The following BRINP3 variants were observed in gnomAD, a reference collection of about 807,000 sequenced individuals.
The protein encoded by BRINP3 is BMP/retinoic acid inducible neural specific 3.
In BRINP3, 19 loss-of-function variants were observed where a neutral mutation model predicts 71.0. The ratio of observed to expected loss-of-function variants is 0.27; its 90% confidence interval spans 0.19 to 0.39. BRINP3 has a LOEUF of 0.39. BRINP3 is among the 10% of genes least tolerant of loss of function. The pLI, the probability that BRINP3 is intolerant of heterozygous loss-of-function variation, is 1.00. For synonymous variants in BRINP3, 380 were observed against 337.7 expected (o/e 1.13, Z -1.37); for missense variants, 959 against 940.8 (o/e 1.02, Z -0.25).
At chr1:190,146,677 C>T (rs1019553591) in intron 7 of BRINP3, among the ~76,000 whole-genome samples, 1 of 152,028 alleles carries the variant, frequency 6.6e-6, no homozygotes, top group African/African-American at 2.4e-5. Context: ...AGTGGCTACT[C>T]AGCAGTGTAG....
intron 2 of BRINP3, among the ~76,000 whole-genome samples, chr1:190,329,598 C>A (rs11579859): frequency 6.6e-6 from 1 of 151,754 alleles, no homozygotes; most frequent in Non-Finnish European, 1.5e-5. Context: ...TTAAAATGAA[C>A]ATATTATCGA....
intron 2 of BRINP3, among the ~76,000 whole-genome samples, chr1:190,362,750 C>T (rs780488672): frequency 3.3e-5 from 5 of 152,130 alleles, no homozygotes; most frequent in Non-Finnish European, 7.3e-5. Flanking sequence ...TTTTGCTTTC[C>T]TCTCATTCTG....
chr1:190,235,712 C>A (rs901841222), intron 4 of BRINP3, among the ~76,000 whole-genome samples: 22 of 151,814 alleles, frequency 1.4e-4, no homozygotes, highest in Non-Finnish European at 2.7e-4. Context: ...TCTAGCGAAT[C>A]CTTCACTTCC....
intron 6 of BRINP3, among the ~76,000 whole-genome samples, chr1:190,177,150 CTTTTTTTTTTTTTTTTTT>C (rs1030190199): frequency 1.6e-5 from 1 of 63,212 alleles, no homozygotes; most frequent in Non-Finnish European, 2.9e-5. Flanking sequence ...GCACCCACTT[CTTTTTTTTTTTTTTTTTT>C]TTTTTTTTTT....
intron 6 of BRINP3, among the ~76,000 whole-genome samples, chr1:190,201,801 G>A (rs553533176): frequency 5.9e-5 from 9 of 152,318 alleles, no homozygotes; most frequent in East Asian, 3.9e-4. Flanking sequence ...GTGAATGCAC[G>A]GAAGTCAAGA....
chr1:190,349,452 T>C lies in BRINP3; in HGVS notation c.237-67702A>G, dbSNP rs1319962363. On this transcript the variant is annotated intron_variant, in intron 2 of 7. Transcript: ENST00000367462. ...ATGAATCCAAACCCATATGATAGAGTTCTAAAAAAGTTAAAATTAAGGATA... is the reference window on the plus strand; with the variant it reads ...ATGAATCCAAACCCATATGATAGAGCTCTAAAAAAGTTAAAATTAAGGATA... Among the ~76,000 whole-genome samples, 4 of 151,940 alleles carry C rather than the reference T, an allele frequency of 2.6e-5. No individual in the cohort carries two copies. In the East Asian group the frequency reaches 7.7e-4, roughly 29 times the overall value.
Position 190,181,097 on chromosome 1 carries a change from T to C in BRINP3, c.962-20207A>G, listed in dbSNP as rs546695758. Among the ~76,000 whole-genome samples the C allele has an allele frequency of 3.3e-5, 5 of 152,178 alleles. No individual in the cohort carries two copies. The South Asian group carries it at 1.0e-3, about 32-fold the overall frequency. On this transcript the variant is annotated intron_variant, in intron 6 of 7. Transcript: ENST00000367462. Reference sequence around the variant, plus strand: ...CTAACCCCTGGCAAACACTACCCAATCGTTTTTATCTTCATAACTTTTTAA... The same window carrying C: ...CTAACCCCTGGCAAACACTACCCAACCGTTTTTATCTTCATAACTTTTTAA...
chr1:190,411,624 G>A (rs1212811814), intron 2 of BRINP3, among the ~76,000 whole-genome samples: 4 of 152,066 alleles, frequency 2.6e-5, no homozygotes, highest in Admixed American at 1.3e-4. Context: ...AACTAAAGAT[G>A]AAGGCTTTGA....
intron 1 of BRINP3, among the ~76,000 whole-genome samples, chr1:190,460,047 T>C (rs1327656896): frequency 6.6e-6 from 1 of 151,990 alleles, no homozygotes; most frequent in Non-Finnish European, 1.5e-5. Flanking sequence ...CTAAATTTCT[T>C]CTCTTGAGCA....
intron 2 of BRINP3, among the ~76,000 whole-genome samples, chr1:190,449,888 C>T (rs1277059324): frequency 1.3e-5 from 2 of 152,108 alleles, no homozygotes; most frequent in Admixed American, 1.3e-4. Context: ...GTCCTTGTTC[C>T]TTGTCATAGA....
chr1:190,316,984 C>T (rs1665923417), intron 2 of BRINP3, among the ~76,000 whole-genome samples: 1 of 151,794 alleles, frequency 6.6e-6, no homozygotes, highest in South Asian at 2.1e-4. Flanking sequence ...ACCAGCCTGG[C>T]CAACATGGTG....
chr1:190,097,984 C>T lies in BRINP3; in HGVS notation c.*34G>A. The T allele has an allele frequency of 6.4e-7, 1 of 1,561,772 alleles. No individual in the cohort carries two copies. The highest frequency in any genetic ancestry group is 8.6e-7 in the Non-Finnish European group (1 of 1,156,966). ...TTCCACAAAAGCACTGTAAAAACTC[C>T]TTCAAGATTTTGGGTTGTGCTTGAC... On this transcript the variant is annotated 3_prime_UTR_variant, in exon 8 of 8. Transcript: ENST00000367462.
chr1:190,098,492 G>T lies in BRINP3; in HGVS notation c.1827C>A (p.Asn609Lys). 1 of 1,614,130 alleles carries T rather than the reference G, an allele frequency of 6.2e-7. No individual in the cohort carries two copies. Among genetic ancestry groups the T allele is most frequent in the Non-Finnish European group, 8.5e-7 (1 of 1,180,032 alleles). The change falls in exon 8 of 8, where the codon AAC becomes AAA. Residue 609 changes from asparagine (N) to lysine (K), a missense_variant. By Grantham distance (94) the Asn-to-Lys change is moderately conservative. Coordinates refer to ENST00000367462, the MANE Select transcript of BRINP3 (RefSeq NM_199051.3). ...TKLDLPLQCY[N>K]WTLTLGNKWK... Reference sequence around the variant, plus strand: ...ATTTGTTCCCCAGAGTTAATGTCCAGTTATAACACTGCAGGGGTAGGTCCA... The same window carrying T: ...ATTTGTTCCCCAGAGTTAATGTCCATTTATAACACTGCAGGGGTAGGTCCA...
At chr1:190,258,666 T>G (rs1270974871) in intron 4 of BRINP3, among the ~76,000 whole-genome samples, 2 of 152,332 alleles carry the variant, frequency 1.3e-5, no homozygotes, top group East Asian at 3.9e-4. Context: ...CAACAAATTG[T>G]ATAATTTCAA....
At chr1:190,123,334 G>T (rs1174731462) in intron 7 of BRINP3, among the ~76,000 whole-genome samples, 1 of 152,036 alleles carries the variant, frequency 6.6e-6, no homozygotes, top group East Asian at 1.9e-4. Flanking sequence ...TATACTGCTT[G>T]CTTTGTCATT....
chr1:190,427,357 T>G (rs1322309133), intron 2 of BRINP3, among the ~76,000 whole-genome samples: 1 of 151,994 alleles, frequency 6.6e-6, no homozygotes, highest in Non-Finnish European at 1.5e-5. Context: ...GAGTACTAAA[T>G]ATAGGCCTTA....
intron 6 of BRINP3, among the ~76,000 whole-genome samples, chr1:190,162,659 T>C (rs1460067683): frequency 3.9e-5 from 6 of 152,224 alleles, no homozygotes. Flanking sequence ...ATTGTAGGCA[T>C]ACATAGTTTA....
At chr1:190,120,034 C>G (rs1161897058) in intron 7 of BRINP3, among the ~76,000 whole-genome samples, 1 of 152,246 alleles carries the variant, frequency 6.6e-6, no homozygotes, top group Non-Finnish European at 1.5e-5. Flanking sequence ...TTCCTTCAAA[C>G]TGCTAGACGA....
chr1:190,330,847 G>T (rs1666917163), intron 2 of BRINP3, among the ~76,000 whole-genome samples: 1 of 152,000 alleles, frequency 6.6e-6, no homozygotes, highest in African/African-American at 2.4e-5. Flanking sequence ...GATGTAGCTG[G>T]AGTCTATTGT....
Sources: allele counts gnomAD v4.1 joint callset (sites outside exome capture counted in the v4.1 genomes callset), GRCh38; gene constraint gnomAD v4.1.1; transcripts MANE v1.5; gene names NCBI Gene and HGNC (gene_info 2026-07-23, HGNC 2026-07-21).